The following PPARGC1A variants were observed in gnomAD, a reference collection of about 807,000 sequenced individuals.
PPARGC1A encodes PPARG coactivator 1 alpha, also known as peroxisome proliferator-activated receptor gamma coactivator 1-alpha.
A neutral mutation model predicts 88.7 loss-of-function variants in PPARGC1A; 25 were observed. The ratio of observed to expected loss-of-function variants is 0.28; its 90% CI spans 0.21 to 0.39. The LOEUF is 0.39. Among genes scored for constraint, PPARGC1A ranks in the 10% least tolerant of loss-of-function variants. The probability of loss-of-function intolerance (pLI) is 1.00; values close to 1 mark genes in which losing one functional copy is unlikely to be tolerated. For synonymous variants in PPARGC1A, 363 were observed against 355.6 expected (o/e 1.02, Z -0.24); for missense variants, 880 against 968.7 (o/e 0.91, Z 1.22).
At chr4:23,810,267 A>G (rs1002466124) in intron 10 of PPARGC1A, among the ~76,000 whole-genome samples, 3 of 152,236 alleles carry the variant, frequency 2.0e-5, no homozygotes, top group African/African-American at 7.2e-5. Flanking sequence ...CGAATTTTAA[A>G]GCCAAAATTC....
the PPARGC1A span, among the ~76,000 whole-genome samples, chr4:24,442,968 C>T: frequency 1.3e-5 from 2 of 152,130 alleles, no homozygotes; most frequent in African/African-American, 2.4e-5. Flanking sequence ...AGACAAGCTG[C>T]CTGACTTTTA....
the PPARGC1A span, among the ~76,000 whole-genome samples, chr4:24,286,832 T>C: frequency 6.6e-6 from 1 of 152,112 alleles, no homozygotes; most frequent in Admixed American, 6.5e-5. Context: ...ACAAGAAGGC[T>C]ACAAGCAAGA....
the PPARGC1A span, among the ~76,000 whole-genome samples, chr4:24,095,036 G>A: frequency 3.3e-5 from 5 of 151,818 alleles, no homozygotes; most frequent in Non-Finnish European, 7.4e-5. Flanking sequence ...ATTTTCAAAT[G>A]CAAGTGCTAA....
chr4:23,911,011 C>T, the PPARGC1A span, among the ~76,000 whole-genome samples: 1 of 149,774 alleles, frequency 6.7e-6, no homozygotes, highest in African/African-American at 2.4e-5. Flanking sequence ...CTGTTTAAAA[C>T]TGAGTGAAGC....
At chr4:24,118,464 A>G in the PPARGC1A span, among the ~76,000 whole-genome samples, 1 of 152,158 alleles carries the variant, frequency 6.6e-6, no homozygotes, top group Admixed American at 6.5e-5. Flanking sequence ...CCCTCTGCTA[A>G]ACAGGAAAAC....
the PPARGC1A span, among the ~76,000 whole-genome samples, chr4:24,295,443 G>A: frequency 2.0e-5 from 3 of 152,044 alleles, no homozygotes; most frequent in African/African-American, 4.8e-5. Flanking sequence ...CAAAATTAAG[G>A]TAAAACAGGA....
chr4:24,285,584 T>C, the PPARGC1A span, among the ~76,000 whole-genome samples: 1 of 152,206 alleles, frequency 6.6e-6, no homozygotes, highest in Non-Finnish European at 1.5e-5. Flanking sequence ...TTAAATGACT[T>C]GCTCAAGATA....
chr4:24,010,878 C>G, the PPARGC1A span, among the ~76,000 whole-genome samples: 1 of 152,158 alleles, frequency 6.6e-6, no homozygotes, highest in South Asian at 2.1e-4. Context: ...CTCCAAAAAC[C>G]AAAACTGAGA....
chr4:24,383,134 G>C, the PPARGC1A span, among the ~76,000 whole-genome samples: 6 of 152,160 alleles, frequency 3.9e-5, no homozygotes, highest in African/African-American at 7.2e-5. Flanking sequence ...GCAGCAGAGG[G>C]GCCTATTAGA....
At chr4:23,939,988 A>G in the PPARGC1A span, among the ~76,000 whole-genome samples, 1 of 152,196 alleles carries the variant, frequency 6.6e-6, no homozygotes, top group Non-Finnish European at 1.5e-5. Flanking sequence ...CAGAATCTGC[A>G]ATAACTATGA....
At position 23,890,012 on chromosome 4, in the gene PPARGC1A, A is replaced by G; in HGVS notation, c.-55T>C. 3.7e-6 allele frequency: 6 copies of G among 1,610,784 alleles called. No individual in the cohort carries two copies. The highest frequency in any genetic ancestry group is 5.1e-6 in the Non-Finnish European group (6 of 1,178,462). On this transcript the variant is annotated 5_prime_UTR_variant, in exon 1 of 13. Coordinates refer to ENST00000264867, the MANE Select transcript of PPARGC1A (RefSeq NM_013261.5). ...TTTCAACTCCAATCCACAGTGACACAGAGCACACACTCATGCAGGCAACCA... is the reference window on the plus strand; with the variant it reads ...TTTCAACTCCAATCCACAGTGACACGGAGCACACACTCATGCAGGCAACCA...
the PPARGC1A span, among the ~76,000 whole-genome samples, chr4:24,109,026 CACACACACACCACA>C: frequency 6.8e-6 from 1 of 147,132 alleles, no homozygotes; most frequent in East Asian, 2.1e-4. Flanking sequence ...ACACCACACA[CACACACACACCACA>C]CACACACACA....
the PPARGC1A span, among the ~76,000 whole-genome samples, chr4:24,104,387 C>G: frequency 6.6e-6 from 1 of 152,160 alleles, no homozygotes; most frequent in Non-Finnish European, 1.5e-5. Flanking sequence ...CTGTCAACAA[C>G]CTTTCCCCCA....
At chr4:24,296,793 A>G in the PPARGC1A span, among the ~76,000 whole-genome samples, 1 of 152,308 alleles carries the variant, frequency 6.6e-6, no homozygotes, top group Non-Finnish European at 1.5e-5. Context: ...TGCCTGTATT[A>G]TTTATCACTT....
At position 23,824,447 on chromosome 4, in the gene PPARGC1A, A is replaced by G. The variant is rs1239381026; in HGVS notation, c.803+16T>C. 1.2e-6 allele frequency: 2 copies of G among 1,609,176 alleles called. No homozygotes were observed. Among genetic ancestry groups the G allele is most frequent in the Non-Finnish European group, 1.7e-6 (2 of 1,175,752 alleles). Reference sequence around the variant, plus strand: ...CCCTTCCCTTTCAGAAAATGGTTACATTTCTTAATACTTACTTTGGTGACT... The same window carrying G: ...CCCTTCCCTTTCAGAAAATGGTTACGTTTCTTAATACTTACTTTGGTGACT... On this transcript the variant is annotated intron_variant, in intron 6 of 12. Coordinates refer to ENST00000264867, the MANE Select transcript of PPARGC1A (RefSeq NM_013261.5).
chr4:24,240,183 G>T, the PPARGC1A span, among the ~76,000 whole-genome samples: 1 of 152,282 alleles, frequency 6.6e-6, no homozygotes, highest in Non-Finnish European at 1.5e-5. Flanking sequence ...GGCTCACAAG[G>T]AATATATAAT....
At chr4:24,412,508 C>T in the PPARGC1A span, among the ~76,000 whole-genome samples, 1 of 152,096 alleles carries the variant, frequency 6.6e-6, no homozygotes, top group Non-Finnish European at 1.5e-5. Context: ...GAGATGGAGT[C>T]TCACTCTTGT....
chr4:24,089,659 C>G, the PPARGC1A span, among the ~76,000 whole-genome samples: 1 of 151,900 alleles, frequency 6.6e-6, no homozygotes, highest in Non-Finnish European at 1.5e-5. Context: ...TACAGGCGCC[C>G]GCCGCCACGC....
At chr4:23,952,560 T>G in the PPARGC1A span, among the ~76,000 whole-genome samples, 1 of 152,160 alleles carries the variant, frequency 6.6e-6, no homozygotes, top group Non-Finnish European at 1.5e-5. Context: ...TAATGAATGC[T>G]GTGTCCTCTT....
Sources: gnomAD v4.1 joint callset for allele counts (sites outside exome capture counted in the v4.1 genomes callset) on GRCh38, gnomAD v4.1.1 for gene constraint, MANE v1.5 for transcripts, NCBI Gene and HGNC (gene_info 2026-07-23, HGNC 2026-07-21) for gene names.